Variants in NDST3 observed in about 807,000 individuals in gnomAD.
NDST3 encodes the protein N-deacetylase and N-sulfotransferase 3, also known as bifunctional heparan sulfate N-deacetylase/N-sulfotransferase 3.
NDST3 carries 58 observed loss-of-function variants against 96.1 expected under a neutral mutation model. The ratio of observed to expected loss-of-function variants is 0.60; its 90% CI spans 0.49 to 0.75. NDST3 has a LOEUF of 0.75. Among genes scored for constraint, NDST3 ranks in the 30% least tolerant of loss-of-function variants. NDST3 has a pLI of 0.00. For missense variants in NDST3, 788 were observed against 1,034.2 expected (o/e 0.76, Z 3.27); for synonymous variants, 333 against 359.7 (o/e 0.93, Z 0.84).
At chr4:118,114,693 A>C (rs1310984407) in intron 3 of NDST3, 113 bp from the exon 4 acceptor site, 21 of 1,181,618 alleles carry the variant, frequency 1.8e-5, no homozygotes, top group Non-Finnish European at 2.4e-5. Flanking sequence ...GTAAAACAGA[A>C]TAAATGATGG....
chr4:118,164,533 C>T (rs1044342431), intron 6 of NDST3, among the ~76,000 whole-genome samples: 1 of 152,070 alleles, frequency 6.6e-6, no homozygotes, highest in African/African-American at 2.4e-5. Flanking sequence ...TAAGCAAATA[C>T]TGAGGGAGTT....
upstream of NDST3, chr4:118,034,321 T>C (rs1464038723): frequency 6.6e-6 from 1 of 152,210 alleles, no homozygotes; most frequent in Non-Finnish European, 1.5e-5. Flanking sequence ...TTAGCATCTG[T>C]CTTCCCCCGA....
intron 6 of NDST3, among the ~76,000 whole-genome samples, chr4:118,210,560 G>A (rs544634994): frequency 1.6e-4 from 24 of 152,124 alleles, no homozygotes; most frequent in East Asian, 1.9e-4. Context: ...GGTGGATCAC[G>A]AGGTCAAGAG....
At chr4:118,207,461 G>A (rs1271053985) in intron 6 of NDST3, among the ~76,000 whole-genome samples, 2 of 145,146 alleles carry the variant, frequency 1.4e-5, no homozygotes, top group African/African-American at 2.5e-5. Flanking sequence ...CATGTTTGCA[G>A]AATATAATTG....
chr4:118,161,284 G>A lies in NDST3; in HGVS notation c.1539+17600G>A, dbSNP rs928153838. 9.0e-4 allele frequency among the ~76,000 whole-genome samples: 137 copies of A among 152,322 alleles called. 1 individual carries two copies. The highest frequency in any genetic ancestry group is 3.3e-3 in the African/African-American group (136 of 41,580). On this transcript the variant is annotated intron_variant, in intron 6 of 13. Coordinates refer to ENST00000296499, the MANE Select transcript of NDST3 (RefSeq NM_004784.3). ...GTGAGGTGTCAGTCTGCCCCTACTG[G>A]GGGATGCCTCCCAGTTAGGCTGCTC...
chr4:118,193,742 T>G, intron 6 of NDST3: 1 of 1,411,858 alleles, frequency 7.1e-7, no homozygotes, highest in Non-Finnish European at 9.9e-7. Flanking sequence ...GCTGCCCAGT[T>G]CCAGGGCCTT....
At chr4:118,217,402 A>G (rs774191528) in intron 6 of NDST3, among the ~76,000 whole-genome samples, 1 of 152,040 alleles carries the variant, frequency 6.6e-6, no homozygotes, top group Non-Finnish European at 1.5e-5. Flanking sequence ...GAATTATAGT[A>G]TAGGAAGTTC....
intron 2 of NDST3, among the ~76,000 whole-genome samples, chr4:118,086,476 C>T (rs1728431428): frequency 6.6e-6 from 1 of 152,102 alleles, no homozygotes; most frequent in Non-Finnish European, 1.5e-5. Flanking sequence ...CACCCGCCCT[C>T]TGACACCTTC....
chr4:118,239,788 A>G (rs553920938), intron 10 of NDST3, among the ~76,000 whole-genome samples: 3 of 152,304 alleles, frequency 2.0e-5, no homozygotes, highest in South Asian at 4.1e-4. Flanking sequence ...ATTCAACTAG[A>G]TGAGGTAAAC....
intron 8 of NDST3, among the ~76,000 whole-genome samples, chr4:118,228,933 TTTAA>T (rs769926582): frequency 7.2e-4 from 109 of 152,374 alleles, no homozygotes; most frequent in Non-Finnish European, 8.7e-4. Context: ...AAATTGATTT[TTTAA>T]TTAAAGTAGT....
In NDST3 at chr4:118,224,621, T is replaced by A. The variant is rs1739756918; in HGVS notation, c.1670T>A (p.Leu557Gln). Residue 557 changes from leucine (L) to glutamine (Q), a missense_variant, in exon 7 of 14, where the codon CTG becomes CAG. Around this residue, in one of 3 missense-constraint regions of NDST3, gnomAD observed 490 missense variants for 708.8 expected, o/e 0.69. Coordinates refer to ENST00000296499, the MANE Select transcript of NDST3 (RefSeq NM_004784.3). ...LRLQTLPPVQ[L>Q]AHKYFELFPD... ...CTTCAGACTCTGCCTCCAGTACAAC[T>A]GGCCCACAAGTATTTTGAGCTGTTT... is the stretch of plus-strand genomic sequence containing the variant. 1 of 1,611,442 alleles carries A rather than the reference T, an allele frequency of 6.2e-7. No homozygotes were observed. The highest frequency in any genetic ancestry group is 8.5e-7 in the Non-Finnish European group (1 of 1,178,682).
chr4:118,201,978 G>A (rs893278579), intron 6 of NDST3, among the ~76,000 whole-genome samples: 1 of 152,114 alleles, frequency 6.6e-6, no homozygotes, highest in African/African-American at 2.4e-5. Context: ...TGAAAGGTAG[G>A]GGTCTGGTTT....
intron 4 of NDST3, among the ~76,000 whole-genome samples, chr4:118,132,215 A>G (rs1349522148): frequency 3.3e-5 from 5 of 152,182 alleles, no homozygotes; most frequent in Non-Finnish European, 7.3e-5. Flanking sequence ...GATTAGAGTG[A>G]AAAACATTAG....
chr4:118,084,248 A>G lies in NDST3; in HGVS notation c.982-20770A>G, dbSNP rs114373093. Among the ~76,000 whole-genome samples, 1,012 of 152,314 alleles carry G rather than the reference A, an allele frequency of 6.6e-3. 8 individuals are homozygous for G. Among genetic ancestry groups the G allele is most frequent in the African/African-American group, 0.023 (970 of 41,568 alleles). On this transcript the variant is annotated intron_variant, in intron 2 of 13. Transcript: ENST00000296499. ...AAAAACAAAAAAAAAATAGGTAACT[A>G]TGTGAGATGATGGATATGTTATTTG... is the stretch of plus-strand genomic sequence containing the variant.
chr4:118,143,771 C>T, intron 6 of NDST3, 87 bp downstream of exon 6: 1 of 1,394,570 alleles, frequency 7.2e-7, no homozygotes, highest in Non-Finnish European at 9.6e-7. Flanking sequence ...ATTGGGCAGT[C>T]ATCAGCCAAG....
At chr4:118,231,537 GT>G (rs1468876702) in intron 8 of NDST3, among the ~76,000 whole-genome samples, 1 of 151,468 alleles carries the variant, frequency 6.6e-6, no homozygotes, top group Non-Finnish European at 1.5e-5. Context: ...AAAATTCAAA[GT>G]TTTGTACAAA....
chr4:118,152,576 C>T (rs975742746), intron 6 of NDST3, among the ~76,000 whole-genome samples: 2 of 151,932 alleles, frequency 1.3e-5, no homozygotes, highest in African/African-American at 4.8e-5. Context: ...CTGATGAGGT[C>T]GCTTTACTTA....
chr4:118,062,091 G>A (rs1725939365), intron 2 of NDST3, among the ~76,000 whole-genome samples: 1 of 152,020 alleles, frequency 6.6e-6, no homozygotes, highest in Non-Finnish European at 1.5e-5. Flanking sequence ...ACCTCCACTT[G>A]TTATAGCTCA....
chr4:118,186,229 T>C (rs1315146075), intron 6 of NDST3, among the ~76,000 whole-genome samples: 1 of 152,182 alleles, frequency 6.6e-6, no homozygotes, highest in African/African-American at 2.4e-5. Context: ...TGCTGGGGCC[T>C]ACTGTACAAA....
Sources: allele counts gnomAD v4.1 joint callset (sites outside exome capture counted in the v4.1 genomes callset), GRCh38; gene constraint gnomAD v4.1.1; regional missense constraint gnomAD v4.1.1; transcripts MANE v1.5; gene names NCBI Gene and HGNC (gene_info 2026-07-23, HGNC 2026-07-21).